The following TENM4 variants were observed in gnomAD, a reference collection of about 807,000 sequenced individuals.
TENM4 encodes the protein teneurin transmembrane protein 4, also known as teneurin-4.
A neutral mutation model predicts 243.3 loss-of-function variants in TENM4; 82 were observed. The ratio of observed to expected loss-of-function variants is 0.34; its 90% CI spans 0.28 to 0.40. The LOEUF (loss-of-function observed/expected upper bound fraction) is 0.40, where lower values mean the gene tolerates loss of function less well. Ranked by LOEUF, TENM4 falls within the 10% of genes least tolerant of loss-of-function variation. The pLI is 1.00. For missense variants in TENM4, 3,138 were observed against 3,673.3 expected (o/e 0.85, Z 3.77); for synonymous variants, 1,412 against 1,456.3 (o/e 0.97, Z 0.69).
chr11:79,375,287 T>C (rs574034230), intron 1 of TENM4, among the ~76,000 whole-genome samples: 8 of 152,314 alleles, frequency 5.3e-5, no homozygotes, highest in African/African-American at 1.9e-4. Context: ...AGAAGTCATA[T>C]GTTCTTATTT....
chr11:78,860,193 T>C (rs192103025), intron 10 of TENM4, among the ~76,000 whole-genome samples: 6 of 152,340 alleles, frequency 3.9e-5, no homozygotes, highest in Admixed American at 3.9e-4. Context: ...TCTGGACTTC[T>C]GGGATTTTAA....
At chr11:79,323,342 T>C (rs1856922170) in intron 1 of TENM4, among the ~76,000 whole-genome samples, 2 of 152,188 alleles carry the variant, frequency 1.3e-5, no homozygotes, top group East Asian at 1.9e-4. Flanking sequence ...ATAATCTACC[T>C]GCTCTTCTTT....
At chr11:78,855,496 T>C (rs1482553058) in intron 11 of TENM4, among the ~76,000 whole-genome samples, 1 of 152,230 alleles carries the variant, frequency 6.6e-6, no homozygotes, top group Non-Finnish European at 1.5e-5. Context: ...AGCCAGGTCC[T>C]GCACTAGCTG....
At position 79,200,592 on chromosome 11, in the gene TENM4, A is replaced by T. The variant is rs143188134; in HGVS notation, c.-163+15216T>A. 4.1e-4 allele frequency among the ~76,000 whole-genome samples: 63 copies of T among 152,342 alleles called. No individual in the cohort carries two copies. In the Middle Eastern group the frequency reaches 0.01, roughly 25 times the overall value. ...TGTGTGGCCAGGCCTGGTGCCCTTA[A>T]GGGACACGGGCATCCATTAAAACAC... On this transcript the variant is annotated intron_variant, in intron 3 of 33. Coordinates refer to ENST00000278550, the MANE Select transcript of TENM4 (RefSeq NM_001098816.3).
At chr11:79,020,449 T>G (rs976302798) in intron 6 of TENM4, among the ~76,000 whole-genome samples, 1 of 152,236 alleles carries the variant, frequency 6.6e-6, no homozygotes, top group African/African-American at 2.4e-5. Context: ...GGCTTTGACT[T>G]GATCATTCAA....
chr11:79,318,349 C>G (rs1359795254), intron 1 of TENM4, among the ~76,000 whole-genome samples: 2 of 152,102 alleles, frequency 1.3e-5, no homozygotes, highest in Non-Finnish European at 2.9e-5. Context: ...CATTTCAGCT[C>G]AATATAATGA....
rs1053154864 is a variant in TENM4, at chr11:79,114,180, C to A, written c.-66+34530G>T. ...ATCTCCCTCAACATGTATTTTAAAG[C>A]CCCTCCCTCCTCTCTCAATGTCTTG... On this transcript the variant is annotated intron_variant, in intron 4 of 33. Transcript: ENST00000278550. 2.0e-5 allele frequency among the ~76,000 whole-genome samples: 3 copies of A among 152,134 alleles called. No individual in the cohort carries two copies. The East Asian group carries it at 5.8e-4, about 29-fold the overall frequency.
intron 4 of TENM4, among the ~76,000 whole-genome samples, chr11:79,139,666 A>T (rs1339648281): frequency 9.8e-6 from 1 of 101,914 alleles, no homozygotes; most frequent in Non-Finnish European, 1.7e-5. Flanking sequence ...TATATAAAAT[A>T]TATATATTTT....
chr11:79,000,953 C>A (rs1010165854), intron 6 of TENM4, among the ~76,000 whole-genome samples: 7 of 152,170 alleles, frequency 4.6e-5, no homozygotes, highest in Non-Finnish European at 1.5e-5. Context: ...ATCACTTGAA[C>A]CCAGGAGGTG....
chr11:78,897,767 G>C (rs1855831569), intron 7 of TENM4, among the ~76,000 whole-genome samples: 1 of 152,264 alleles, frequency 6.6e-6, no homozygotes, highest in Non-Finnish European at 1.5e-5. Context: ...CTCTGGGGCT[G>C]ACCTGGCCTG....
chr11:79,267,208 C>T (rs1449110065), intron 2 of TENM4, among the ~76,000 whole-genome samples: 3 of 152,158 alleles, frequency 2.0e-5, no homozygotes, highest in Non-Finnish European at 4.4e-5. Flanking sequence ...CATGCCTCTC[C>T]AAACTCACTA....
chr11:78,760,292 C>T (rs1303483236), intron 18 of TENM4, among the ~76,000 whole-genome samples: 1 of 152,174 alleles, frequency 6.6e-6, no homozygotes, highest in African/African-American at 2.4e-5. Flanking sequence ...ATTCTGTGAT[C>T]GGTGGCCATA....
At chr11:78,781,911 G>A (rs56969645) in intron 16 of TENM4, among the ~76,000 whole-genome samples, 6,247 of 152,250 alleles carry the variant, frequency 0.041, 344 homozygotes, top group African/African-American at 0.13. Context: ...ACCCCACCAC[G>A]TGTGGGCTGA....
At chr11:79,151,096 A>T (rs1365893209) in intron 3 of TENM4, among the ~76,000 whole-genome samples, 2 of 152,010 alleles carry the variant, frequency 1.3e-5, no homozygotes, top group East Asian at 3.9e-4. Flanking sequence ...TTCCTATACC[A>T]TGGCTTCTGT....
chr11:79,396,511 G>A (rs942027077), intron 1 of TENM4, among the ~76,000 whole-genome samples: 1 of 152,170 alleles, frequency 6.6e-6, no homozygotes, highest in Non-Finnish European at 1.5e-5. Flanking sequence ...AGACCTAAAT[G>A]GTCACTTCTG....
Position 78,753,713 on chromosome 11 carries a change from CT to C in TENM4, c.2756+3091del, listed in dbSNP as rs201125417. On this transcript the variant is annotated intron_variant, in intron 19 of 33. Transcript: ENST00000278550. ...TAGGTAAAAGGAATTTTTACAGTAA[CT>C]TTTTTTTTTTTTTTAAAGAGACAGT... 6.7e-3 allele frequency among the ~76,000 whole-genome samples: 952 copies of C among 141,198 alleles called. 4 individuals carry two copies. Among genetic ancestry groups the C allele is most frequent in the Middle Eastern group, 0.032 (9 of 278 alleles). The allele number at this position is 141,198 out of a possible 152,430, so 92.6% of individuals were successfully genotyped here. A position where few individuals can be genotyped will look rare whatever the true frequency, so the allele number is the denominator to read the frequency against.
chr11:79,069,977 A>G lies in TENM4; in HGVS notation c.-33T>C. ...GGCCCGCGCTCCTCCACATCCACAA[A>G]CAGGGTCCTCGCCGCACTCAGGGCC... On this transcript the variant is annotated 5_prime_UTR_variant, in exon 5 of 34. Transcript: ENST00000278550. 2 of 1,539,118 alleles carry G rather than the reference A, an allele frequency of 1.3e-6. No individual in the cohort carries two copies. Among genetic ancestry groups the G allele is most frequent in the African/African-American group, 1.4e-5 (1 of 72,844 alleles).
chr11:79,337,924 C>T (rs1208201431), intron 1 of TENM4, among the ~76,000 whole-genome samples: 1 of 152,218 alleles, frequency 6.6e-6, no homozygotes, highest in African/African-American at 2.4e-5. Flanking sequence ...CATCTCACAG[C>T]CAGATCAGGG....
intron 4 of TENM4, among the ~76,000 whole-genome samples, chr11:79,110,569 C>T (rs1174708234): frequency 2.0e-5 from 3 of 152,176 alleles, no homozygotes; most frequent in Non-Finnish European, 4.4e-5. Context: ...TGACAGGTGA[C>T]AGTGCTGGCC....
Sources: gnomAD v4.1 joint callset for allele counts (sites outside exome capture counted in the v4.1 genomes callset) on GRCh38, gnomAD v4.1.1 for gene constraint, MANE v1.5 for transcripts, NCBI Gene and HGNC (gene_info 2026-07-23, HGNC 2026-07-21) for gene names.